The following SPAG9 variants were observed in gnomAD, a reference collection of about 807,000 sequenced individuals.
SPAG9 encodes sperm associated antigen 9.
SPAG9 carries 35 observed loss-of-function variants against 166.5 expected under a neutral mutation model. The ratio of observed to expected loss-of-function variants is 0.21; its 90% CI spans 0.16 to 0.28. The LOEUF is 0.28. Ranked by LOEUF, SPAG9 falls within the 10% of genes least tolerant of loss-of-function variation. The pLI, the probability that SPAG9 is intolerant of heterozygous loss-of-function variation, is 1.00. For missense variants in SPAG9, 1,235 were observed against 1,603.3 expected, an observed-to-expected ratio of 0.77 and a Z score of 3.92; for synonymous variants, 534 against 565.5, an observed-to-expected ratio of 0.94 and a Z score of 0.79.
At chr17:51,059,973 G>A (rs1441647757) in intron 2 of SPAG9, among the ~76,000 whole-genome samples, 1 of 151,556 alleles carries the variant, frequency 6.6e-6, no homozygotes, top group Non-Finnish European at 1.5e-5. Context: ...GTGACTAACC[G>A]CTCAAAACTT....
chr17:51,012,262 G>A (rs1031773426), intron 9 of SPAG9, among the ~76,000 whole-genome samples: 34 of 152,028 alleles, frequency 2.2e-4, no homozygotes, highest in African/African-American at 7.0e-4. Flanking sequence ...ATATAAAAAT[G>A]GAGTATTCCT....
At chr17:50,969,609 C>A (rs1973618408) in intron 29 of SPAG9, among the ~76,000 whole-genome samples, 1 of 152,088 alleles carries the variant, frequency 6.6e-6, no homozygotes, top group African/African-American at 2.4e-5. Context: ...TCCAGTCCCT[C>A]CCTCCCTTTT....
rs1973187158 is a variant in SPAG9, at chr17:50,962,709, G to A, written c.*3563C>T. On this transcript the variant is annotated 3_prime_UTR_variant, in exon 30 of 30. Transcript: ENST00000262013. ...ATATTCAGTTCCATGGCATTTGCAAGACACATGTTCTTTAGGACAGTTAAT... is the reference window on the plus strand; with the variant it reads ...ATATTCAGTTCCATGGCATTTGCAAAACACATGTTCTTTAGGACAGTTAAT... The A allele has an allele frequency of 6.6e-6, 1 of 152,182 alleles. No individual in the cohort carries two copies. Among genetic ancestry groups the A allele is most frequent in the Non-Finnish European group, 1.5e-5 (1 of 68,034 alleles). The allele number at this position is 152,182 out of a possible 1,614,324, so 9.4% of individuals were successfully genotyped here. A position where few individuals can be genotyped will look rare whatever the true frequency, so the allele number is the denominator to read the frequency against.
At chr17:51,110,768 C>T (rs2049085919) in intron 1 of SPAG9, among the ~76,000 whole-genome samples, 1 of 152,192 alleles carries the variant, frequency 6.6e-6, no homozygotes, top group Admixed American at 6.6e-5. Flanking sequence ...GTTCACCTCA[C>T]ACATTTTTGG....
At chr17:50,996,085 A>G (rs1051208439) in intron 16 of SPAG9, 3 of 161,592 alleles carry the variant, frequency 1.9e-5, no homozygotes, top group African/African-American at 7.2e-5. Flanking sequence ...TAATTCACAC[A>G]TATGTGCACA....
Position 50,965,790 on chromosome 17 carries a change from G to A in SPAG9, c.*482C>T, listed in dbSNP as rs1167844148. The A allele has an allele frequency of 1.3e-5, 2 of 153,762 alleles. No individual in the cohort carries two copies. The highest frequency in any genetic ancestry group is 2.9e-5 in the Non-Finnish European group (2 of 68,930). 9.5% of individuals were successfully genotyped at this position (153,762 alleles called of 1,614,324 possible). ...TTACAGTTAGCTTTTAACCCTCTCGGGACATTTAGATACATCCTGATAATC... is the reference window on the plus strand; with the variant it reads ...TTACAGTTAGCTTTTAACCCTCTCGAGACATTTAGATACATCCTGATAATC... On this transcript the variant is annotated 3_prime_UTR_variant, in exon 30 of 30. Coordinates refer to ENST00000262013, the MANE Select transcript of SPAG9 (RefSeq NM_001130528.3).
At chr17:51,008,126 A>G (rs954959995) in intron 9 of SPAG9, among the ~76,000 whole-genome samples, 1 of 152,198 alleles carries the variant, frequency 6.6e-6, no homozygotes, top group Non-Finnish European at 1.5e-5. Context: ...AAAATCTTCA[A>G]TTAACAATAC....
intron 4 of SPAG9, chr17:51,046,902 CTAT>C: frequency 6.6e-7 from 1 of 1,509,250 alleles, no homozygotes. Flanking sequence ...GACAGCCAGC[CTAT>C]TAACTATTTT....
intron 2 of SPAG9, among the ~76,000 whole-genome samples, chr17:51,060,703 T>C (rs1359292540): frequency 6.6e-6 from 1 of 152,050 alleles, no homozygotes; most frequent in Non-Finnish European, 1.5e-5. Flanking sequence ...CAAATCTGCT[T>C]GTACCATGGA....
At chr17:51,033,204 T>C (rs1178892320) in intron 5 of SPAG9, among the ~76,000 whole-genome samples, 1 of 151,780 alleles carries the variant, frequency 6.6e-6, no homozygotes, top group Non-Finnish European at 1.5e-5. Context: ...TCTTTGATTC[T>C]AGATTCTCAT....
intron 1 of SPAG9, among the ~76,000 whole-genome samples, chr17:51,115,909 C>T (rs2049275176): frequency 6.6e-6 from 1 of 152,044 alleles, no homozygotes; most frequent in African/African-American, 2.4e-5. Flanking sequence ...GTGTAATCTC[C>T]CTCTACTGAA....
intron 1 of SPAG9, among the ~76,000 whole-genome samples, chr17:51,083,373 T>C (rs1425651716): frequency 2.0e-5 from 3 of 151,482 alleles, no homozygotes; most frequent in African/African-American, 7.3e-5. Flanking sequence ...CAGCTGGGAT[T>C]ACAGGTGCCT....
Position 50,964,430 on chromosome 17 carries a change from A to AT in SPAG9, c.*1841dup, listed in dbSNP as rs1398367716. The AT allele has an allele frequency of 6.5e-6, 1 of 154,110 alleles. No individual in the cohort carries two copies. Among genetic ancestry groups the AT allele is most frequent in the African/African-American group, 2.4e-5 (1 of 41,412 alleles). The allele number at this position is 154,110 out of a possible 1,614,324, so 9.5% of individuals were successfully genotyped here. A position where few individuals can be genotyped will look rare whatever the true frequency, so the allele number is the denominator to read the frequency against. On this transcript the variant is annotated 3_prime_UTR_variant, in exon 30 of 30. Transcript: ENST00000262013. ...TGGTGAAACCCTGTCTCTACTAAAA[A>AT]TACAAAAATTAGCTGGGCAGGGTGG...
chr17:51,091,556 C>G (rs1351891745), intron 1 of SPAG9, among the ~76,000 whole-genome samples: 1 of 151,900 alleles, frequency 6.6e-6, no homozygotes, highest in East Asian at 1.9e-4. Context: ...TCCAGAGAGT[C>G]CCCTCAGCAC....
chr17:50,975,129 TTAAGTACCTCAG>T, intron 27 of SPAG9, 182 bp from the exon 28 acceptor site: 1 of 545,162 alleles, frequency 1.8e-6, no homozygotes, highest in Non-Finnish European at 3.1e-6. Flanking sequence ...CTAGTTATTT[TTAAGTACCTCAG>T]TAAATGGAGT....
Position 50,993,731 on chromosome 17 carries a change from G to A in SPAG9, c.2398+33C>T, listed in dbSNP as rs1270501991. 3 of 1,605,948 alleles carry A rather than the reference G, an allele frequency of 1.9e-6. No individual in the cohort carries two copies. The South Asian group carries it at 3.3e-5, about 18-fold the overall frequency. On this transcript the variant is annotated intron_variant, in intron 19 of 29. Transcript: ENST00000262013. ...GTGCCCAGCAGGTAGGTGGATGGAG[G>A]GGAGGGCAGAGAAACGCATGACTCA...
At chr17:51,077,930 A>T (rs1360139254) in intron 2 of SPAG9, among the ~76,000 whole-genome samples, 1 of 152,024 alleles carries the variant, frequency 6.6e-6, no homozygotes, top group Non-Finnish European at 1.5e-5. Flanking sequence ...CTGGGATTAC[A>T]AGTGTGAATC....
In SPAG9 at chr17:51,037,665, T is replaced by TTATATATATATATATATA. The variant is rs59365716; in HGVS notation, c.741+3818_741+3835dup. ...AATAAAATAAGTAAATATATGTGTT[T>TTATATATATATATATATA]TATATATATATATATATATAGTGTG... is the stretch of plus-strand genomic sequence containing the variant. On this transcript the variant is annotated intron_variant, in intron 5 of 29. Coordinates refer to ENST00000262013, the MANE Select transcript of SPAG9 (RefSeq NM_001130528.3). 8.8e-4 allele frequency among the ~76,000 whole-genome samples: 82 copies of TTATATATATATATATATA among 92,878 alleles called. 1 individual carries two copies. The highest frequency in any genetic ancestry group is 2.8e-3 in the African/African-American group (76 of 26,870). 60.9% of individuals were successfully genotyped at this position (92,878 alleles called of 152,430 possible).
chr17:50,999,633 T>C, intron 14 of SPAG9, 28 bp downstream of exon 14: 1 of 1,588,510 alleles, frequency 6.3e-7, no homozygotes, highest in South Asian at 1.1e-5. Flanking sequence ...TCATGTGCTG[T>C]CTAACATCTT....
Sources: allele counts gnomAD v4.1 joint callset (sites outside exome capture counted in the v4.1 genomes callset), GRCh38; gene constraint gnomAD v4.1.1; transcripts MANE v1.5; gene names NCBI Gene and HGNC (gene_info 2026-07-23, HGNC 2026-07-21).